The following AGBL4 variants were observed in gnomAD, a reference collection of about 807,000 sequenced individuals.
AGBL4 encodes AGBL carboxypeptidase 4.
AGBL4 carries 58 observed loss-of-function variants against 66.4 expected under a neutral mutation model. The ratio of observed to expected loss-of-function variants is 0.87; its 90% CI spans 0.71 to 1.09. The LOEUF is 1.09. AGBL4 is among the 50% of genes least tolerant of loss of function. AGBL4 has a pLI of 0.00. For synonymous variants in AGBL4, 234 were observed against 222.9 expected (o/e 1.05, Z -0.44); for missense variants, 579 against 631.0 (o/e 0.92, Z 0.88).
At chr1:48,537,785 G>T (rs964553682) in intron 12 of AGBL4, among the ~76,000 whole-genome samples, 1 of 152,194 alleles carries the variant, frequency 6.6e-6, no homozygotes, top group Non-Finnish European at 1.5e-5. Flanking sequence ...GAGATTCTAA[G>T]AATTCTTTTG....
intron 5 of AGBL4, among the ~76,000 whole-genome samples, chr1:48,905,106 C>T (rs905352175): frequency 3.9e-5 from 6 of 152,100 alleles, no homozygotes; most frequent in South Asian, 4.1e-4. Context: ...GGGTAACTAA[C>T]GAGGAATCTT....
chr1:49,002,032 C>G (rs1200835332), intron 5 of AGBL4, among the ~76,000 whole-genome samples: 1 of 152,128 alleles, frequency 6.6e-6, no homozygotes, highest in East Asian at 1.9e-4. Flanking sequence ...AGCCTAATGT[C>G]TAGGACATAG....
At chr1:49,462,064 G>T (rs181069461) in intron 3 of AGBL4, among the ~76,000 whole-genome samples, 1 of 151,762 alleles carries the variant, frequency 6.6e-6, no homozygotes, top group East Asian at 2.0e-4. Context: ...CACAATATTA[G>T]CTGTGTGACT....
chr1:50,004,384 GGC>G (rs1389083722), intron 1 of AGBL4, among the ~76,000 whole-genome samples: 5 of 152,110 alleles, frequency 3.3e-5, no homozygotes, highest in African/African-American at 1.2e-4. Flanking sequence ...GTAATTCCTG[GGC>G]AAGTCCTGGT....
At chr1:49,097,906 AG>A (rs1214988465) in intron 4 of AGBL4, among the ~76,000 whole-genome samples, 1 of 152,244 alleles carries the variant, frequency 6.6e-6, no homozygotes, top group Non-Finnish European at 1.5e-5. Context: ...ATGAGGTAAA[AG>A]TCTTTCATTC....
Position 49,661,358 on chromosome 1 carries a change from T to C in AGBL4, c.282+35955A>G, listed in dbSNP as rs80038549. Among the ~76,000 whole-genome samples, 1,068 of 152,228 alleles carry C rather than the reference T, an allele frequency of 7.0e-3. 10 individuals are homozygous for C. The highest frequency in any genetic ancestry group is 0.025 in the African/African-American group (1,029 of 41,532). The stretch of plus-strand genomic sequence containing the variant: ...CTTCCAATGTTGGAATTGGGCTTAG[T>C]GGGAGGCGTTTGGGTCATGGGAACA... On this transcript the variant is annotated intron_variant, in intron 3 of 13. Transcript: ENST00000371839.
intron 6 of AGBL4, among the ~76,000 whole-genome samples, chr1:48,839,769 C>T (rs1363063751): frequency 6.6e-6 from 1 of 152,088 alleles, no homozygotes; most frequent in African/African-American, 2.4e-5. Flanking sequence ...AGACTTCTGG[C>T]CCCACATACA....
chr1:49,214,468 G>C (rs1165888304), intron 4 of AGBL4, among the ~76,000 whole-genome samples: 1 of 152,068 alleles, frequency 6.6e-6, no homozygotes, highest in African/African-American at 2.4e-5. Context: ...AGAGAATTCT[G>C]CCTCTCCAGG....
chr1:49,847,943 C>T (rs370318012), intron 2 of AGBL4, among the ~76,000 whole-genome samples: 22 of 152,308 alleles, frequency 1.4e-4, no homozygotes, highest in East Asian at 1.4e-3. Flanking sequence ...CCTCGTGATC[C>T]GCCCGCCTGG....
the AGBL4 span, among the ~76,000 whole-genome samples, chr1:48,523,343 G>C: frequency 2.0e-5 from 3 of 152,094 alleles, no homozygotes; most frequent in Non-Finnish European, 2.9e-5. Flanking sequence ...ACTGCCTCTA[G>C]TAGGAACTCA....
chr1:49,118,148 C>G (rs1028131694), intron 4 of AGBL4, among the ~76,000 whole-genome samples: 2 of 152,190 alleles, frequency 1.3e-5, no homozygotes, highest in Non-Finnish European at 2.9e-5. Context: ...AATATATGAT[C>G]ATGTCATCTG....
At chr1:48,989,297 C>A (rs561434597) in intron 5 of AGBL4, among the ~76,000 whole-genome samples, 1 of 152,234 alleles carries the variant, frequency 6.6e-6, no homozygotes, top group South Asian at 2.1e-4. Context: ...TTGATACAGG[C>A]ATACAATTAG....
chr1:48,973,429 T>G (rs1659071231), intron 5 of AGBL4, among the ~76,000 whole-genome samples: 1 of 152,146 alleles, frequency 6.6e-6, no homozygotes, highest in Non-Finnish European at 1.5e-5. Context: ...ACAATTAGAA[T>G]GACAATCTAT....
At chr1:48,746,450 C>T (rs12023387) in intron 6 of AGBL4, among the ~76,000 whole-genome samples, 1 of 151,930 alleles carries the variant, frequency 6.6e-6, no homozygotes, top group African/African-American at 2.4e-5. Flanking sequence ...CCCCTCAAGG[C>T]TCACGAAGGT....
intron 4 of AGBL4, among the ~76,000 whole-genome samples, chr1:49,067,360 T>C (rs1323779111): frequency 1.3e-5 from 2 of 152,202 alleles, no homozygotes; most frequent in African/African-American, 2.4e-5. Flanking sequence ...TGCCTTCCCA[T>C]TGCACCTAAA....
Position 48,634,500 on chromosome 1 carries a change from T to C in AGBL4, c.944A>G (p.Asn315Ser), listed in dbSNP as rs1483946752. Residue 315 changes from asparagine to serine, a missense_variant, in exon 9 of 14, where the codon AAC (asparagine) becomes AGC (serine). Coordinates refer to ENST00000371839, the MANE Select transcript of AGBL4 (RefSeq NM_032785.4). ...GGGCATTCAGTTACTTACTGGGTCG[T>C]TGTACATCTGGACGATGAGTTGTTT... ...GVKQLIVQMY[N>S]DPKTSLEFYI... is the part of the protein sequence containing the mutation. The C allele has an allele frequency of 6.3e-7, 1 of 1,597,822 alleles. No homozygotes were observed. The highest frequency in any genetic ancestry group is 1.3e-5 in the African/African-American group (1 of 74,694).
intron 1 of AGBL4, among the ~76,000 whole-genome samples, chr1:49,881,981 G>A (rs1033230541): frequency 5.3e-5 from 8 of 152,122 alleles, no homozygotes; most frequent in Non-Finnish European, 7.3e-5. Context: ...GTCCTGAATG[G>A]TAATACCTAG....
At chr1:49,938,989 G>T (rs1026419561) in intron 1 of AGBL4, among the ~76,000 whole-genome samples, 2 of 152,002 alleles carry the variant, frequency 1.3e-5, no homozygotes, top group Non-Finnish European at 2.9e-5. Context: ...AAGCTGATAA[G>T]CAACTTCAGC....
At chr1:49,823,801 T>TGTGA (rs1251300500) in intron 2 of AGBL4, among the ~76,000 whole-genome samples, 62 of 151,996 alleles carry the variant, frequency 4.1e-4, no homozygotes, top group African/African-American at 1.4e-3. Context: ...TGTGTGTGTG[T>TGTGA]GTGTGTGTAC....
Sources: gnomAD v4.1 joint callset for allele counts (sites outside exome capture counted in the v4.1 genomes callset) on GRCh38, gnomAD v4.1.1 for gene constraint, MANE v1.5 for transcripts, NCBI Gene and HGNC (gene_info 2026-07-23, HGNC 2026-07-21) for gene names.